CCDC171: variants seen among roughly 807,000 people sequenced by gnomAD.
CCDC171 encodes the protein coiled-coil domain-containing protein 171.
In CCDC171, 177 loss-of-function variants were observed where a neutral mutation model predicts 168.2. That is an observed-to-expected ratio of 1.05 (90% CI 0.93 to 1.19). CCDC171 has a LOEUF of 1.19. Among genes scored for constraint, CCDC171 ranks in the 50% most tolerant of loss-of-function variants. The probability of loss-of-function intolerance (pLI) is 0.00; values close to 1 mark genes in which losing one functional copy is unlikely to be tolerated. For missense variants in CCDC171, 1,991 were observed against 1,539.0 expected, an observed-to-expected ratio of 1.29 and a Z score of -4.91; for synonymous variants, 687 against 540.8, an observed-to-expected ratio of 1.27 and a Z score of -3.75.
At chr9:16,054,078 G>A (rs541216681) in intron 1 of CCDC171, among the ~76,000 whole-genome samples, 3 of 152,196 alleles carry the variant, frequency 2.0e-5, no homozygotes, top group African/African-American at 4.8e-5. Flanking sequence ...CGGGTTCAGC[G>A]CTCCTTTTAA....
intron 23 of CCDC171, among the ~76,000 whole-genome samples, chr9:15,873,624 G>T (rs561804349): frequency 4.6e-5 from 7 of 152,204 alleles, no homozygotes; most frequent in African/African-American, 1.7e-4. Flanking sequence ...TGATTAAAAT[G>T]AGAGCTTTTT....
chr9:15,588,189 T>G (rs966735325), intron 4 of CCDC171, among the ~76,000 whole-genome samples: 1 of 152,044 alleles, frequency 6.6e-6, no homozygotes, highest in Non-Finnish European at 1.5e-5. Flanking sequence ...GAGCCGAGAT[T>G]GCGCCACTGT....
intron 21 of CCDC171, among the ~76,000 whole-genome samples, chr9:15,793,899 C>A (rs936742556): frequency 2.0e-5 from 3 of 152,000 alleles, no homozygotes; most frequent in Non-Finnish European, 2.9e-5. Flanking sequence ...TTTATCTATA[C>A]TCTCTGGGGC....
At chr9:15,635,028 C>G (rs2046093524) in intron 7 of CCDC171, among the ~76,000 whole-genome samples, 1 of 152,034 alleles carries the variant, frequency 6.6e-6, no homozygotes, top group African/African-American at 2.4e-5. Context: ...TATTTTGTGT[C>G]TCTGTCCATC....
At chr9:15,958,116 AT>A (rs1564069534) in intron 25 of CCDC171, among the ~76,000 whole-genome samples, 8 of 139,276 alleles carry the variant, frequency 5.7e-5, no homozygotes, top group African/African-American at 2.3e-4. Flanking sequence ...TCACTCATCC[AT>A]TCATTCATTC....
chr9:15,897,433 T>G (rs1343480805), intron 24 of CCDC171, among the ~76,000 whole-genome samples: 1 of 152,132 alleles, frequency 6.6e-6, no homozygotes, highest in Non-Finnish European at 1.5e-5. Context: ...GTGGAAGTTA[T>G]ATGGCATGCT....
chr9:15,592,985 T>G (rs1027637242), intron 5 of CCDC171, among the ~76,000 whole-genome samples: 4 of 152,014 alleles, frequency 2.6e-5, no homozygotes, highest in African/African-American at 7.2e-5. Context: ...AACTTGTCAT[T>G]TAGCATTAGG....
At chr9:15,563,405 T>C (rs576072918) in intron 1 of CCDC171, among the ~76,000 whole-genome samples, 1 of 152,300 alleles carries the variant, frequency 6.6e-6, no homozygotes, top group East Asian at 1.9e-4. Flanking sequence ...CCCAAAGTGC[T>C]GGGATTACAG....
intron 9 of CCDC171, among the ~76,000 whole-genome samples, chr9:15,671,071 G>A (rs976533972): frequency 6.6e-6 from 1 of 152,162 alleles, no homozygotes; most frequent in African/African-American, 2.4e-5. Flanking sequence ...CAGTGTGGGC[G>A]ACCAAGTGAG....
chr9:15,755,455 T>C (rs2056047783), intron 18 of CCDC171, among the ~76,000 whole-genome samples: 1 of 152,144 alleles, frequency 6.6e-6, no homozygotes, highest in South Asian at 2.1e-4. Context: ...AAGGAAAACA[T>C]ACATTCATAC....
Position 15,578,878 on chromosome 9 carries a change from G to A in CCDC171, c.207G>A (p.Lys69=). The A allele has an allele frequency of 6.2e-7, 1 of 1,613,568 alleles. No homozygotes were observed. The highest frequency in any genetic ancestry group is 8.5e-7 in the Non-Finnish European group (1 of 1,179,798). ...CAAGCTATGAGAGCCAGATTGCCAA[G>A]CTACGGTCCGAGGTTGAAAAGGGAG... ...ELASYESQIA[K]LRSEVEKGEA... is the part of the protein sequence containing the mutation. The change falls in exon 4 of 26, where the codon AAG becomes AAA. Residue 69 remains lysine, a synonymous_variant. Transcript: ENST00000380701.
chr9:15,689,642 C>G (rs2050647433), intron 10 of CCDC171, among the ~76,000 whole-genome samples: 3 of 152,154 alleles, frequency 2.0e-5, no homozygotes, highest in Admixed American at 2.0e-4. Context: ...ATCCAGGAGC[C>G]AGAGGTTGCA....
In CCDC171 at chr9:15,678,880, A is replaced by C; in HGVS notation, c.1199A>C (p.Gln400Pro). 6.3e-7 allele frequency: 1 copy of C among 1,585,862 alleles called. No homozygotes were observed. Among genetic ancestry groups the C allele is most frequent in the East Asian group, 2.3e-5 (1 of 44,294 alleles). Residue 400 changes from glutamine to proline, a missense_variant, in exon 10 of 26, where the codon CAG becomes CCG. Coordinates refer to ENST00000380701, the MANE Select transcript of CCDC171 (RefSeq NM_173550.4). Reference sequence around the variant, plus strand: ...AATGAAAAAAGTTGCAGTGAATTACAGGAAGAACTAGTAATGGTAAGGATA... The same window carrying C: ...AATGAAAAAAGTTGCAGTGAATTACCGGAAGAACTAGTAATGGTAAGGATA... ...QYNEKSCSELQEELVMAKKHQ... is the reference protein window; with the variant it reads ...QYNEKSCSELPEELVMAKKHQ...
intron 10 of CCDC171, among the ~76,000 whole-genome samples, chr9:15,682,732 C>T (rs1327429926): frequency 1.3e-5 from 2 of 151,850 alleles, no homozygotes; most frequent in East Asian, 3.9e-4. Flanking sequence ...AAGGACTTAA[C>T]AAATTTATTT....
intron 25 of CCDC171, among the ~76,000 whole-genome samples, chr9:15,938,157 A>G (rs1434903262): frequency 6.6e-6 from 1 of 151,894 alleles, no homozygotes; most frequent in Non-Finnish European, 1.5e-5. Flanking sequence ...CTCACCTTGC[A>G]GATGAGGAAT....
intron 18 of CCDC171, among the ~76,000 whole-genome samples, chr9:15,774,919 A>G (rs955349808): frequency 6.6e-6 from 1 of 152,264 alleles, no homozygotes; most frequent in African/African-American, 2.4e-5. Context: ...ATGCAAAGGC[A>G]TAAGAATGAT....
chr9:15,722,325 C>G (rs1353783828), intron 12 of CCDC171, among the ~76,000 whole-genome samples: 1 of 152,164 alleles, frequency 6.6e-6, no homozygotes, highest in Non-Finnish European at 1.5e-5. Flanking sequence ...TTTTCATTCT[C>G]TAAAGGCAGT....
intron 25 of CCDC171, among the ~76,000 whole-genome samples, chr9:15,938,359 T>G (rs1827332340): frequency 6.6e-6 from 1 of 151,858 alleles, no homozygotes; most frequent in Non-Finnish European, 1.5e-5. Flanking sequence ...GGAGTGTGCC[T>G]TACTCTGTGC....
At chr9:15,702,281 T>C (rs1267078209) in intron 11 of CCDC171, among the ~76,000 whole-genome samples, 1 of 152,058 alleles carries the variant, frequency 6.6e-6, no homozygotes, top group East Asian at 1.9e-4. Context: ...CATTCAAAAA[T>C]CCTGTGGCCC....
Sources: gnomAD v4.1 joint callset for allele counts (sites outside exome capture counted in the v4.1 genomes callset) on GRCh38, gnomAD v4.1.1 for gene constraint, MANE v1.5 for transcripts, NCBI Gene and HGNC (gene_info 2026-07-23, HGNC 2026-07-21) for gene names.